The following SDK1 variants were observed in gnomAD, a reference collection of about 807,000 sequenced individuals.
SDK1 encodes protein sidekick-1.
SDK1 carries 157 observed loss-of-function variants against 245.5 expected under a neutral mutation model. The observed-to-expected ratio is 0.64, with a 90% CI of 0.56 to 0.73. SDK1 has a LOEUF of 0.73. Among genes scored for constraint, SDK1 ranks in the 30% least tolerant of loss-of-function variants. The pLI is 0.00. For synonymous variants in SDK1, 1,647 were observed against 1,278.5 expected, an observed-to-expected ratio of 1.29 and a Z score of -6.15; for missense variants, 3,583 against 3,002.3, an observed-to-expected ratio of 1.19 and a Z score of -4.52.
intron 1 of SDK1, among the ~76,000 whole-genome samples, chr7:3,516,081 C>G (rs1782738769): frequency 6.6e-6 from 1 of 150,484 alleles, no homozygotes; most frequent in African/African-American, 2.4e-5. Flanking sequence ...TTGTAGAACT[C>G]ACCTTTGTTC....
At chr7:3,359,917 C>G (rs1339891395) in intron 1 of SDK1, among the ~76,000 whole-genome samples, 3 of 152,174 alleles carry the variant, frequency 2.0e-5, no homozygotes, top group Admixed American at 6.5e-5. Flanking sequence ...CTGAATGAAT[C>G]TTGAGGCATC....
intron 1 of SDK1, among the ~76,000 whole-genome samples, chr7:3,535,133 G>A (rs908806057): frequency 1.3e-5 from 2 of 152,142 alleles, no homozygotes; most frequent in Admixed American, 6.5e-5. Context: ...AAAATTAGCT[G>A]GGCATGGTGA....
chr7:3,870,975 C>T (rs765820361), intron 5 of SDK1, among the ~76,000 whole-genome samples: 1 of 152,200 alleles, frequency 6.6e-6, no homozygotes, highest in Non-Finnish European at 1.5e-5. Flanking sequence ...TTGTATTAAA[C>T]TATAGATCAA....
intron 1 of SDK1, among the ~76,000 whole-genome samples, chr7:3,409,977 G>C (rs1266982199): frequency 6.6e-6 from 1 of 152,072 alleles, no homozygotes; most frequent in African/African-American, 2.4e-5. Context: ...AGTGATAAGT[G>C]CTTCACAGAC....
intron 1 of SDK1, among the ~76,000 whole-genome samples, chr7:3,361,128 G>A (rs1256508880): frequency 1.3e-5 from 2 of 152,112 alleles, no homozygotes; most frequent in African/African-American, 2.4e-5. Context: ...AAAAAAATCT[G>A]CAATTGATAC....
chr7:3,414,705 C>T (rs183694263), intron 1 of SDK1, among the ~76,000 whole-genome samples: 17 of 152,264 alleles, frequency 1.1e-4, no homozygotes, highest in African/African-American at 3.4e-4. Context: ...ATTTTTATCA[C>T]CCCAGAAAGC....
At chr7:3,678,934 G>C (rs1394026346) in intron 4 of SDK1, among the ~76,000 whole-genome samples, 1 of 152,000 alleles carries the variant, frequency 6.6e-6, no homozygotes, top group African/African-American at 2.4e-5. Context: ...AAACTTAAAT[G>C]AACAACAACA....
At chr7:3,593,969 C>T (rs554128341) in intron 1 of SDK1, among the ~76,000 whole-genome samples, 61 of 152,224 alleles carry the variant, frequency 4.0e-4, no homozygotes, top group African/African-American at 1.3e-3. Context: ...AATTTACAGC[C>T]ATAGGGTTCA....
intron 8 of SDK1, among the ~76,000 whole-genome samples, chr7:3,960,141 A>G (rs893992182): frequency 1.3e-5 from 2 of 152,240 alleles, no homozygotes; most frequent in Middle Eastern, 3.2e-3. Flanking sequence ...TAAAAGAGAG[A>G]TGATTTTCAC....
At chr7:3,445,811 C>T (rs1302869743) in intron 1 of SDK1, among the ~76,000 whole-genome samples, 1 of 152,054 alleles carries the variant, frequency 6.6e-6, no homozygotes. Context: ...CAAGAGAAGA[C>T]AGTCTATTGT....
chr7:3,784,715 T>G (rs1277971084), intron 4 of SDK1, among the ~76,000 whole-genome samples: 1 of 152,096 alleles, frequency 6.6e-6, no homozygotes, highest in Non-Finnish European at 1.5e-5. Context: ...ATATAACATG[T>G]GTTGGCCAGG....
intron 30 of SDK1, among the ~76,000 whole-genome samples, chr7:4,154,864 G>A (rs904695896): frequency 6.6e-6 from 1 of 152,120 alleles, no homozygotes; most frequent in Non-Finnish European, 1.5e-5. Context: ...AAGGGTTACA[G>A]GAGGGTGTTC....
intron 4 of SDK1, among the ~76,000 whole-genome samples, chr7:3,750,480 A>G (rs563599279): frequency 1.3e-5 from 2 of 152,314 alleles, no homozygotes; most frequent in Admixed American, 6.5e-5. Context: ...GACCATTGCA[A>G]TAGGTATAGG....
intron 1 of SDK1, among the ~76,000 whole-genome samples, chr7:3,405,549 G>T (rs1284699720): frequency 2.6e-5 from 4 of 152,162 alleles, no homozygotes; most frequent in Admixed American, 2.6e-4. Context: ...ATGCTAGACT[G>T]TTTTATCTGT....
Position 3,636,790 on chromosome 7 carries a change from A to C in SDK1, c.459-2214A>C, listed in dbSNP as rs533151329. 5.7e-3 allele frequency among the ~76,000 whole-genome samples: 863 copies of C among 152,312 alleles called. 9 individuals carry two copies. Among genetic ancestry groups the C allele is most frequent in the Non-Finnish European group, 9.6e-3 (652 of 68,026 alleles). ...GAAACAATTTTTCCATAGTGGCTAC[A>C]CCAACTTACATTCCCATGTACAGTA... is the stretch of plus-strand genomic sequence containing the variant. On this transcript the variant is annotated intron_variant, in intron 2 of 44. Transcript: ENST00000404826.
intron 4 of SDK1, among the ~76,000 whole-genome samples, chr7:3,741,420 C>T (rs1263786126): frequency 6.6e-6 from 1 of 152,332 alleles, no homozygotes; most frequent in African/African-American, 2.4e-5. Flanking sequence ...GTGCACCCCA[C>T]TGGCCATGCC....
At chr7:4,237,128 G>A (rs555667153) in intron 41 of SDK1, among the ~76,000 whole-genome samples, 2 of 152,232 alleles carry the variant, frequency 1.3e-5, no homozygotes, top group South Asian at 2.1e-4. Flanking sequence ...CTGGGCTTAA[G>A]CCATCCTCCC....
rs182813748 is a variant in SDK1 at position 4,162,813 on chromosome 7, G to A, written c.4800+957G>A. On this transcript the variant is annotated intron_variant, in intron 32 of 44. Transcript: ENST00000404826. ...AGCAATGCTCCAGTAAGGCATTGAA[G>A]GACACGCTGCCGTCTCTTTCCCTTA... Among the ~76,000 whole-genome samples the A allele has an allele frequency of 3.0e-3, 455 of 152,312 alleles. 11 individuals carry two copies. Among genetic ancestry groups the A allele is most frequent in the Admixed American group, 0.026 (404 of 15,306 alleles).
intron 22 of SDK1, among the ~76,000 whole-genome samples, chr7:4,093,474 A>C (rs1584106122): frequency 6.6e-6 from 1 of 151,962 alleles, no homozygotes; most frequent in East Asian, 1.9e-4. Flanking sequence ...AAAAAAAAAA[A>C]AAAAAAAAAG....
Sources: allele counts gnomAD v4.1 joint callset (sites outside exome capture counted in the v4.1 genomes callset), GRCh38; gene constraint gnomAD v4.1.1; transcripts MANE v1.5; gene names NCBI Gene and HGNC (gene_info 2026-07-23, HGNC 2026-07-21).